The following ZNF345 variants were observed in gnomAD, a reference collection of about 807,000 sequenced individuals.
The protein encoded by ZNF345 is zinc finger protein 345, also known as zinc finger protein HZF10.
For synonymous variants in ZNF345, 166 were observed against 187.9 expected (o/e 0.88, Z 0.95); for missense variants, 527 against 589.9 (o/e 0.89, Z 1.10).
chr19:36,882,773 C>G (rs965771976), downstream of ZNF345, among the ~76,000 whole-genome samples: 20 of 151,896 alleles, frequency 1.3e-4, no homozygotes, highest in Admixed American at 1.3e-4. Context: ...TTATTTGTGG[C>G]CAAATATACG....
intron 2 of ZNF345, chr19:36,862,896 C>T (rs1296356960): frequency 6.6e-6 from 1 of 151,918 alleles, no homozygotes; most frequent in African/African-American, 2.4e-5. Context: ...ACTCATTCGA[C>T]CTGACTCCTA....
In ZNF345 at chr19:36,878,312, G is replaced by A. The variant is rs2072934892; in HGVS notation, c.*15G>A. 2.6e-6 allele frequency: 4 copies of A among 1,545,300 alleles called. No individual in the cohort carries two copies. The highest frequency in any genetic ancestry group is 4.1e-5 in the Admixed American group (2 of 48,280). ...CTATAAATTGAAATTATGTGCTGAA[G>A]GAAGGACTCTAAACATATGACTTAA... is the stretch of plus-strand genomic sequence containing the variant. On this transcript the variant is annotated 3_prime_UTR_variant, in exon 3 of 3. Coordinates refer to ENST00000420450, the MANE Select transcript of ZNF345 (RefSeq NM_001242472.2).
chr19:36,892,104 T>C, intron 3 of ZNF345: 8 of 1,614,070 alleles, frequency 5.0e-6, no homozygotes, highest in Non-Finnish European at 5.9e-6. Context: ...TCCTCTGATG[T>C]TGAGAAAAAT....
At chr19:36,852,861 CTTTTTTGTT>C (rs1453400078) in intron 2 of ZNF345, among the ~76,000 whole-genome samples, 2 of 149,610 alleles carry the variant, frequency 1.3e-5, no homozygotes, top group African/African-American at 2.5e-5. Context: ...TGAATGTCCC[CTTTTTTGTT>C]TTTTTTGTTT....
chr19:36,859,878 G>GCACACACACA (rs149214652), intron 2 of ZNF345, among the ~76,000 whole-genome samples: 6 of 147,934 alleles, frequency 4.1e-5, no homozygotes, highest in African/African-American at 1.5e-4. Context: ...CTCTCTCTCT[G>GCACACACACA]CACACACACA....
At chr19:36,884,064 ATTTAT>A (rs2072983309), downstream of ZNF345, among the ~76,000 whole-genome samples, 1 of 151,706 alleles carries the variant, frequency 6.6e-6, no homozygotes, top group African/African-American at 2.4e-5. Flanking sequence ...ATTACAACTT[ATTTAT>A]TTTTATTTTT....
downstream of ZNF345, among the ~76,000 whole-genome samples, chr19:36,884,366 C>G (rs559727952): frequency 2.0e-5 from 3 of 152,016 alleles, no homozygotes; most frequent in Non-Finnish European, 4.4e-5. Context: ...CCTATGATTA[C>G]AACCTTATTA....
chr19:36,879,767 A>G (rs1011816608), downstream of ZNF345, among the ~76,000 whole-genome samples: 4 of 152,158 alleles, frequency 2.6e-5, no homozygotes, highest in East Asian at 7.7e-4. Flanking sequence ...ATCCTTTTAT[A>G]TGCATCTGTA....
intron 2 of ZNF345, among the ~76,000 whole-genome samples, chr19:36,876,051 T>C (rs2072875640): frequency 6.6e-6 from 1 of 152,204 alleles, no homozygotes; most frequent in Admixed American, 6.5e-5. Flanking sequence ...TTCCCTTTCC[T>C]CTTATGTTAA....
At chr19:36,865,109 C>A (rs1157208430) in intron 2 of ZNF345, among the ~76,000 whole-genome samples, 2 of 152,146 alleles carry the variant, frequency 1.3e-5, no homozygotes, top group Non-Finnish European at 2.9e-5. Flanking sequence ...GAACTGGGTG[C>A]TCGGGAAACT....
At chr19:36,872,375 C>T (rs1026660201) in intron 2 of ZNF345, among the ~76,000 whole-genome samples, 3 of 152,200 alleles carry the variant, frequency 2.0e-5, no homozygotes, top group Admixed American at 2.0e-4. Flanking sequence ...GCAGGTGTTT[C>T]AGTTATGGGG....
chr19:36,877,314 A>G lies in ZNF345; in HGVS notation c.484A>G (p.Ile162Val), dbSNP rs372966160. Residue 162 changes from isoleucine (I) to valine (V), a missense_variant, in exon 3 of 3, where the codon ATT becomes GTT. Ile to Val is a conservative substitution (Grantham distance 29). Coordinates refer to ENST00000420450, the MANE Select transcript of ZNF345 (RefSeq NM_001242472.2). ...AGCCTTTAGTTTTGGATCAGGCCTT[A>G]TTCGACATCAGATCATTCACAGTGG... ...GKAFSFGSGL[I>V]RHQIIHSGEK... The G allele has an allele frequency of 1.9e-6, 3 of 1,614,088 alleles. No individual in the cohort carries two copies. Among genetic ancestry groups the G allele is most frequent in the African/African-American group, 2.7e-5 (2 of 75,012 alleles).
Position 36,887,196 on chromosome 19 carries a change from CCAA to C in ZNF345, c.47-5612_47-5610del, listed in dbSNP as rs1555724959. 4.0e-3 allele frequency among the ~76,000 whole-genome samples: 584 copies of C among 147,266 alleles called. 3 individuals carry two copies. The highest frequency in any genetic ancestry group is 0.013 in the African/African-American group (511 of 38,566). ...AACACCACCACCACCACCACCACCA[CCAA>C]CAACAACAAAAAAAACAAGGAAGAA... On this transcript the variant is annotated intron_variant, in intron 3 of 3. Coordinates refer to the ZNF345 transcript ENST00000526123.
intron 2 of ZNF345, among the ~76,000 whole-genome samples, chr19:36,855,611 C>A (rs1445521279): frequency 6.6e-6 from 1 of 151,908 alleles, no homozygotes; most frequent in Non-Finnish European, 1.5e-5. Context: ...TGCCACCACG[C>A]CTGGCTAATT....
chr19:36,882,892 A>G (rs142737614), downstream of ZNF345, among the ~76,000 whole-genome samples: 213 of 152,306 alleles, frequency 1.4e-3, no homozygotes, highest in African/African-American at 4.9e-3. Context: ...TATTATTTAA[A>G]TATCCTCTGA....
chr19:36,886,601 T>C (rs1003617969), intron 3 of ZNF345, among the ~76,000 whole-genome samples: 2 of 152,108 alleles, frequency 1.3e-5, no homozygotes, highest in Non-Finnish European at 2.9e-5. Flanking sequence ...ATCCCAGCAC[T>C]TTGGGAGGCC....
At chr19:36,859,493 T>G (rs1005371288) in intron 2 of ZNF345, among the ~76,000 whole-genome samples, 9 of 150,196 alleles carry the variant, frequency 6.0e-5, no homozygotes, top group African/African-American at 1.7e-4. Context: ...GTTCTTTTGT[T>G]TTTTTTTTTA....
intron 3 of ZNF345, among the ~76,000 whole-genome samples, chr19:36,886,359 G>A (rs1568364181): frequency 6.6e-6 from 1 of 152,140 alleles, no homozygotes; most frequent in Non-Finnish European, 1.5e-5. Flanking sequence ...TCACTCAGGT[G>A]ATCAAGACCA....
intron 2 of ZNF345, among the ~76,000 whole-genome samples, chr19:36,857,782 T>C (rs1279408234): frequency 1.3e-5 from 2 of 152,162 alleles, no homozygotes; most frequent in Non-Finnish European, 2.9e-5. Flanking sequence ...TATTCTTTTT[T>C]TGTTTGTTTG....
Sources: gnomAD v4.1 joint callset for allele counts (sites outside exome capture counted in the v4.1 genomes callset) on GRCh38, gnomAD v4.1.1 for gene constraint, MANE v1.5 for transcripts, NCBI Gene and HGNC (gene_info 2026-07-23, HGNC 2026-07-21) for gene names.